The following FOXP1 variants were observed in gnomAD, a reference collection of about 807,000 sequenced individuals.
The protein encoded by FOXP1 is forkhead box P1, also known as forkhead box protein P1.
Under a neutral mutation model 98.2 loss-of-function variants are expected in FOXP1, and 15 were observed. That is an observed-to-expected ratio of 0.15 (90% CI 0.10 to 0.24). The LOEUF is 0.24. Among genes scored for constraint, FOXP1 ranks in the 10% least tolerant of loss-of-function variants. The pLI is 1.00. For missense variants in FOXP1, 633 were observed against 848.5 expected (o/e 0.75, Z 3.15); for synonymous variants, 371 against 314.5 (o/e 1.18, Z -1.90).
intron 3 of FOXP1, among the ~76,000 whole-genome samples, chr3:71,374,540 C>A (rs1200369451): frequency 1.3e-5 from 2 of 151,794 alleles, no homozygotes; most frequent in East Asian, 1.9e-4. Context: ...TTGTAGTGAG[C>A]CAAGAGTGCG....
chr3:70,957,869 C>G lies in FOXP1; in HGVS notation c.*1378G>C, dbSNP rs1410607887. The G allele has an allele frequency of 1.7e-5, 4 of 234,376 alleles. No individual in the cohort carries two copies. Among genetic ancestry groups the G allele is most frequent in the Non-Finnish European group, 2.5e-5 (3 of 118,586 alleles). The allele number at this position is 234,376 out of a possible 1,614,324, so 14.5% of individuals were successfully genotyped here. ...CCCTCGTTAACTCCCTTAACAAGTT[C>G]AATCTGAAATCGAATTTGCATTCAA... On this transcript the variant is annotated 3_prime_UTR_variant, in exon 21 of 21. Transcript: ENST00000649528.
At chr3:71,368,599 G>C (rs2079078749) in intron 3 of FOXP1, among the ~76,000 whole-genome samples, 1 of 61,978 alleles carries the variant, frequency 1.6e-5, no homozygotes, top group African/African-American at 5.9e-5. Flanking sequence ...TAAAACCAAA[G>C]TAATCAATTG....
At chr3:70,996,538 T>C (rs2107574540) in intron 13 of FOXP1, among the ~76,000 whole-genome samples, 1 of 152,346 alleles carries the variant, frequency 6.6e-6, no homozygotes, top group South Asian at 2.1e-4. Flanking sequence ...TTGCATCTTT[T>C]TCTTTAGGGA....
intron 7 of FOXP1, among the ~76,000 whole-genome samples, chr3:71,084,248 C>T (rs1440836981): frequency 6.6e-6 from 1 of 152,014 alleles, no homozygotes; most frequent in Non-Finnish European, 1.5e-5. Flanking sequence ...GACATTTTCA[C>T]CCTCTAAAAA....
At chr3:71,133,574 G>A (rs1056251747) in intron 6 of FOXP1, among the ~76,000 whole-genome samples, 1 of 152,088 alleles carries the variant, frequency 6.6e-6, no homozygotes, top group Admixed American at 6.5e-5. Context: ...AGAACAACAC[G>A]GAATGTTTAC....
Position 71,225,154 on chromosome 3 carries a change from G to A in FOXP1, c.-11-26762C>T, listed in dbSNP as rs141719530. Reference sequence around the variant, plus strand: ...GATACAAAGGCACTAGCTGGGAGGCGGCAGTGTGAGAGAAGTAAAGATGCC... The same window carrying A: ...GATACAAAGGCACTAGCTGGGAGGCAGCAGTGTGAGAGAAGTAAAGATGCC... On this transcript the variant is annotated intron_variant, in intron 5 of 20. Coordinates refer to ENST00000649528, the MANE Select transcript of FOXP1 (RefSeq NM_001349338.3). Among the ~76,000 whole-genome samples, 90 of 152,330 alleles carry A rather than the reference G, an allele frequency of 5.9e-4. 2 individuals carry two copies. The East Asian group carries it at 0.013, about 21-fold the overall frequency.
chr3:71,115,953 T>A (rs2058345305), intron 6 of FOXP1, among the ~76,000 whole-genome samples: 1 of 152,002 alleles, frequency 6.6e-6, no homozygotes. Flanking sequence ...GCCGGGCTAG[T>A]CTTGAACTCC....
intron 6 of FOXP1, among the ~76,000 whole-genome samples, chr3:71,148,941 T>G (rs929418043): frequency 6.6e-6 from 1 of 152,216 alleles, no homozygotes; most frequent in African/African-American, 2.4e-5. Flanking sequence ...CAAGGGCACT[T>G]CCAGTTCAGG....
At chr3:71,448,243 C>T (rs1428486145) in intron 3 of FOXP1, among the ~76,000 whole-genome samples, 5 of 152,122 alleles carry the variant, frequency 3.3e-5, no homozygotes, top group African/African-American at 7.2e-5. Context: ...TTCCTTTCCC[C>T]TTACACACAC....
At chr3:71,347,600 A>G (rs750116954) in intron 4 of FOXP1, among the ~76,000 whole-genome samples, 1 of 152,152 alleles carries the variant, frequency 6.6e-6, no homozygotes, top group Non-Finnish European at 1.5e-5. Flanking sequence ...TAAAGAACAG[A>G]GTCGGCTGGG....
chr3:71,558,802 C>CTTT lies in FOXP1; in HGVS notation c.-298+22744_-298+22746dup, dbSNP rs35405702. On this transcript the variant is annotated intron_variant, in intron 2 of 20. Transcript: ENST00000649528. ...AGCCACCACACCCAGCCGATTCTCA[C>CTTT]TTTTTTTTTTTTTTTTTTGAGGCAG... Among the ~76,000 whole-genome samples, 39 of 117,534 alleles carry CTTT rather than the reference C, an allele frequency of 3.3e-4. 2 individuals carry two copies. The highest frequency in any genetic ancestry group is 4.4e-4 in the Non-Finnish European group (26 of 59,718). 77.1% of individuals were successfully genotyped at this position (117,534 alleles called of 152,430 possible).
rs2063469960 is a variant in FOXP1 at position 71,198,736 on chromosome 3, A to G, written c.-11-344T>C. 2.0e-5 allele frequency among the ~76,000 whole-genome samples: 3 copies of G among 151,734 alleles called. No homozygotes were observed. In the South Asian group the frequency reaches 6.3e-4, roughly 32 times the overall value. On this transcript the variant is annotated intron_variant, in intron 5 of 20. Transcript: ENST00000649528. ...GAGATGGAGCACGGCTCAGTCGCCC[A>G]GGCTGGAGTGCAGCGGTGCAATCTC... is the stretch of plus-strand genomic sequence containing the variant.
At chr3:71,365,158 A>G (rs1288684) in intron 3 of FOXP1, among the ~76,000 whole-genome samples, 29,423 of 152,248 alleles carry the variant, frequency 0.19, 3,277 homozygotes, top group Non-Finnish European at 0.25. Context: ...ACATTGACAC[A>G]TAACACATTA....
At chr3:71,396,955 T>TATATAC (rs1560424222) in intron 3 of FOXP1, among the ~76,000 whole-genome samples, 2 of 51,928 alleles carry the variant, frequency 3.9e-5, no homozygotes, top group African/African-American at 1.6e-4. Flanking sequence ...TATGTGTATA[T>TATATAC]ATATATATGT....
chr3:71,348,508 T>G (rs1391478977), intron 4 of FOXP1, among the ~76,000 whole-genome samples: 1 of 51,922 alleles, frequency 1.9e-5, no homozygotes, highest in Non-Finnish European at 4.5e-5. Flanking sequence ...CTGTGTTCAG[T>G]GTGTGTGTGT....
chr3:71,201,020 T>C (rs1175595836), intron 5 of FOXP1, among the ~76,000 whole-genome samples: 3 of 152,214 alleles, frequency 2.0e-5, no homozygotes, highest in Non-Finnish European at 2.9e-5. Context: ...CATTTTTCAC[T>C]AGCAGGTGGG....
At chr3:71,434,633 TGTGTGTGTGTGTG>T (rs2085050927) in intron 3 of FOXP1, among the ~76,000 whole-genome samples, 8 of 140,704 alleles carry the variant, frequency 5.7e-5, no homozygotes, top group African/African-American at 2.2e-4. Context: ...GGGGATGGGG[TGTGTGTGTGTGTG>T]TGTGTGTGTG....
chr3:70,991,324 C>T (rs903251086), intron 13 of FOXP1, among the ~76,000 whole-genome samples: 4 of 152,150 alleles, frequency 2.6e-5, no homozygotes, highest in African/African-American at 4.8e-5. Flanking sequence ...CGAAATAGGT[C>T]ATCTCCTCTT....
chr3:71,317,234 A>G (rs551194826), intron 4 of FOXP1, among the ~76,000 whole-genome samples: 210 of 152,310 alleles, frequency 1.4e-3, no homozygotes, highest in Non-Finnish European at 2.4e-3. Context: ...AAAAATTCCC[A>G]TTATTATTTC....
Sources: gnomAD v4.1 joint callset for allele counts (sites outside exome capture counted in the v4.1 genomes callset) on GRCh38, gnomAD v4.1.1 for gene constraint, MANE v1.5 for transcripts, NCBI Gene and HGNC (gene_info 2026-07-23, HGNC 2026-07-21) for gene names.